The following HPS1 variants were observed in gnomAD, a reference collection of about 807,000 sequenced individuals.
The protein encoded by HPS1 is BLOC-3 complex member HPS1.
HPS1 carries 59 observed loss-of-function variants against 90.6 expected under a neutral mutation model. The observed-to-expected ratio is 0.65, with a 90% CI of 0.53 to 0.81. The LOEUF (loss-of-function observed/expected upper bound fraction) is 0.81. Among genes scored for constraint, HPS1 ranks in the 30% least tolerant of loss-of-function variants. The pLI, the probability that HPS1 is intolerant of heterozygous loss-of-function variation, is 0.00. For synonymous variants in HPS1, 388 were observed against 384.4 expected, an observed-to-expected ratio of 1.01 and a Z score of -0.11; for missense variants, 849 against 896.7, an observed-to-expected ratio of 0.95 and a Z score of 0.68.
intron 18 of HPS1, 139 bp from the exon 19 acceptor site, chr10:98,418,396 C>T: frequency 1.9e-6 from 1 of 513,042 alleles, no homozygotes; most frequent in Non-Finnish European, 3.6e-6. Flanking sequence ...GTTTTTTCAT[C>T]TTTGAAGTCA....
chr10:98,427,338 G>T, intron 10 of HPS1, 74 bp from the exon 11 acceptor site: 1 of 1,308,570 alleles, frequency 7.6e-7, no homozygotes. Flanking sequence ...GCATGGGGTA[G>T]GGGGCCCAGG....
intron 7 of HPS1, 112 bp downstream of exon 7, chr10:98,431,019 T>A: frequency 8.8e-7 from 1 of 1,130,522 alleles, no homozygotes. Flanking sequence ...GTTTCAGGCT[T>A]CATGGAGGAG....
intron 18 of HPS1, 129 bp from the exon 19 acceptor site, chr10:98,418,386 GT>G (rs1173417915): frequency 2.0e-6 from 1 of 512,280 alleles, no homozygotes; most frequent in East Asian, 3.2e-5. Context: ...CCTGGACCTT[GT>G]TTTTTCATCT....
intron 3 of HPS1, among the ~76,000 whole-genome samples, chr10:98,436,167 T>C (rs1223234781): frequency 6.6e-6 from 1 of 152,176 alleles, no homozygotes; most frequent in Non-Finnish European, 1.5e-5. Flanking sequence ...GATCAGAGAT[T>C]GGGACAAAGA....
chr10:98,425,935 G>A lies in HPS1; in HGVS notation c.1038C>T (p.Ser346=), dbSNP rs749756321. 28 of 1,613,976 alleles carry A rather than the reference G, an allele frequency of 1.7e-5. No homozygotes were observed. Among genetic ancestry groups the A allele is most frequent in the Non-Finnish European group, 2.2e-5 (26 of 1,179,954 alleles). ...QTLVPHCPVP[S]GPRRIFLDAN... ...CATCCAGGAAGATCCTTCTGGGGCCGGAAGGCACAGGGCAGTGGGGAACCA... is the reference window on the plus strand; with the variant it reads ...CATCCAGGAAGATCCTTCTGGGGCCAGAAGGCACAGGGCAGTGGGGAACCA... Residue 346 remains serine (S), a synonymous_variant, in exon 12 of 20, where the codon TCC becomes TCT. Transcript: ENST00000361490.
At chr10:98,419,873 C>T (rs574327355) in intron 18 of HPS1, among the ~76,000 whole-genome samples, 172 bp downstream of exon 18, 16 of 152,238 alleles carry the variant, frequency 1.1e-4, no homozygotes, top group African/African-American at 2.9e-4. Flanking sequence ...AGCAGTTAAA[C>T]GCCCATGTGA....
At position 98,435,707 on chromosome 10, in the gene HPS1, C is replaced by G; in HGVS notation, c.183G>C (p.Met61Ile). The change falls in exon 4 of 20, where the codon ATG becomes ATC. Residue 61 changes from methionine (M) to isoleucine (I), a missense_variant. Coordinates refer to ENST00000361490, the MANE Select transcript of HPS1 (RefSeq NM_000195.5). This position sits in a 1 kb window ranked among gnomAD's most constrained non-coding sequence, Gnocchi z 4.3. ...LAPVIISSMT[M>I]LEKLSDTYTC... The stretch of plus-strand genomic sequence containing the variant: ...TGTAGGTGTCCGAGAGCTTCTCCAG[C>G]ATCGTCATGGAGGAGATGATGACCG... 2 of 1,614,054 alleles carry G rather than the reference C, an allele frequency of 1.2e-6. No homozygotes were observed. The highest frequency in any genetic ancestry group is 1.7e-6 in the Non-Finnish European group (2 of 1,179,992).
chr10:98,432,570 G>A (rs1846632108), intron 6 of HPS1, among the ~76,000 whole-genome samples: 1 of 152,044 alleles, frequency 6.6e-6, no homozygotes, highest in African/African-American at 2.4e-5. Flanking sequence ...CATCCCTTGA[G>A]TTTTTCATTT....
At position 98,423,736 on chromosome 10, in the gene HPS1, G is replaced by C. The variant is rs971506977; in HGVS notation, c.1532+17C>G. 1 of 1,614,080 alleles carries C rather than the reference G, an allele frequency of 6.2e-7. No homozygotes were observed. On this transcript the variant is annotated intron_variant, in intron 15 of 19. Transcript: ENST00000361490. ...CAGACCCTGCCCTGGCCACCCAGGG[G>C]GCCGCACTGCACTTACCGCATGAGC... is the stretch of plus-strand genomic sequence containing the variant.
At chr10:98,422,593 G>T in intron 16 of HPS1, 80 bp from the exon 17 acceptor site, 1 of 1,443,714 alleles carries the variant, frequency 6.9e-7, no homozygotes, top group Non-Finnish European at 9.7e-7. Flanking sequence ...GCTGTGCCCA[G>T]TCATGGTGGC....
At chr10:98,418,761 G>A (rs1844459339) in intron 18 of HPS1, among the ~76,000 whole-genome samples, 1 of 152,230 alleles carries the variant, frequency 6.6e-6, no homozygotes, top group Non-Finnish European at 1.5e-5. Flanking sequence ...GTGCAGGGCT[G>A]CCCCCACGGC....
At chr10:98,439,569 AATGCCT>A (rs916502027) in intron 3 of HPS1, among the ~76,000 whole-genome samples, 5 of 152,246 alleles carry the variant, frequency 3.3e-5, no homozygotes, top group African/African-American at 1.2e-4. Flanking sequence ...ACATTTACCC[AATGCCT>A]ATACCCCCAT....
At position 98,425,936 on chromosome 10, in the gene HPS1, G is replaced by C. The variant is rs1392314466; in HGVS notation, c.1037C>G (p.Ser346Cys). Residue 346 changes from serine to cysteine, a missense_variant, in exon 12 of 20, where the codon TCC becomes TGC. Ser to Cys is a moderately radical substitution (Grantham distance 112). Transcript: ENST00000361490. ...QTLVPHCPVP[S>C]GPRRIFLDAN... is the part of the protein sequence containing the mutation. ...ATCCAGGAAGATCCTTCTGGGGCCG[G>C]AAGGCACAGGGCAGTGGGGAACCAG... 6.2e-7 allele frequency: 1 copy of C among 1,614,032 alleles called. No homozygotes were observed. The highest frequency in any genetic ancestry group is 1.3e-5 in the African/African-American group (1 of 74,938).
chr10:98,414,136 C>T (rs1441385395), downstream of HPS1: 3 of 151,968 alleles, frequency 2.0e-5, no homozygotes, highest in Admixed American at 1.3e-4. Flanking sequence ...ACACATTTTT[C>T]CCTGGAGAGG....
Position 98,445,551 on chromosome 10 carries a change from G to T in HPS1, c.-105-147C>A. On this transcript the variant is annotated intron_variant, in intron 1 of 19. Transcript: ENST00000361490. This position sits in a 1 kb window ranked among gnomAD's most constrained non-coding sequence, Gnocchi z 4.5. ...AGGCAGTCTGCTAAGAACATATCTG[G>T]GATCCTGCCCCTCACCTCCCATAAT... 1 of 152,676 alleles carries T rather than the reference G, an allele frequency of 6.5e-6. No individual in the cohort carries two copies. The highest frequency in any genetic ancestry group is 1.5e-5 in the Non-Finnish European group (1 of 68,360). The allele number at this position is 152,676 out of a possible 1,614,324, so 9.5% of individuals were successfully genotyped here.
chr10:98,435,636 A>C lies in HPS1; in HGVS notation c.254T>G (p.Leu85Arg), dbSNP rs752276871. 1.9e-6 allele frequency: 3 copies of C among 1,614,184 alleles called. No homozygotes were observed. In the South Asian group the frequency reaches 3.3e-5, roughly 18 times the overall value. ...ENGNFLYVLH[L>R]FGECLFIAIN... ...TGGGCCCCAGAGCTATAGACTCACC[A>C]GGTGAAGGACATACAGGAAGTTGCC... The change falls in exon 4 of 20, where the codon CTG (leucine) becomes CGG (arginine). Residue 85 changes from leucine to arginine, a missense_variant and splice_region_variant. Transcript: ENST00000361490. This position sits in a 1 kb window ranked among gnomAD's most constrained non-coding sequence, Gnocchi z 4.3.
Position 98,435,764 on chromosome 10 carries a change from G to C in HPS1, c.126C>G (p.Ala42=), listed in dbSNP as rs559814921. The C allele has an allele frequency of 6.2e-7, 1 of 1,614,198 alleles. No individual in the cohort carries two copies. The highest frequency in any genetic ancestry group is 1.3e-5 in the African/African-American group (1 of 75,050). ...GGAGGGTGCTGAGCTGGTCCTCCAG[G>C]GCAGGGAGCTGCAAAAATGGGGGAA... The part of the protein sequence containing the change: ...QSENEEEELP[A]LEDQLSTLLA... Residue 42 remains alanine (A), a synonymous_variant, in exon 4 of 20, where the codon GCC becomes GCG. Transcript: ENST00000361490. This position sits in a 1 kb window ranked among gnomAD's most constrained non-coding sequence, Gnocchi z 4.3.
rs763469622 is a variant in HPS1, at chr10:98,435,310, A to G, written c.360T>C (p.Phe120=). The G allele has an allele frequency of 5.6e-6, 9 of 1,613,890 alleles. No individual in the cohort carries two copies. Among genetic ancestry groups the G allele is most frequent in the Non-Finnish European group, 7.6e-6 (9 of 1,180,022 alleles). ...GATGACCGTCCACAGTCACCAGCCC[A>G]AAGTGCACTTCAAACAGGTACTTGA... ...YVLKYLFEVH[F]GLVTVDGHLI... is the part of the protein sequence containing the mutation. The change falls in exon 5 of 20, where the codon TTT becomes TTC. Residue 120 remains phenylalanine (F), a synonymous_variant. Transcript: ENST00000361490. This position sits in a 1 kb window ranked among gnomAD's most constrained non-coding sequence, Gnocchi z 4.3.
At chr10:98,428,787 A>G (rs568836435) in intron 10 of HPS1, among the ~76,000 whole-genome samples, 1 of 144,524 alleles carries the variant, frequency 6.9e-6, no homozygotes. Context: ...TGGTTTATCT[A>G]CTTCTCTAAG....
Sources: allele counts gnomAD v4.1 joint callset (sites outside exome capture counted in the v4.1 genomes callset), GRCh38; gene constraint gnomAD v4.1.1; non-coding constraint Gnocchi (gnomAD v3.1); transcripts MANE v1.5; gene names NCBI Gene and HGNC (gene_info 2026-07-23, HGNC 2026-07-21).